NDST4: variants seen among roughly 807,000 people sequenced by gnomAD.
The protein encoded by NDST4 is N-heparan sulfate sulfotransferase 4.
In NDST4, 63 loss-of-function variants were observed where a neutral mutation model predicts 100.8. The ratio of observed to expected loss-of-function variants is 0.62; its 90% CI spans 0.51 to 0.77. NDST4 has a LOEUF of 0.77. Among genes scored for constraint, NDST4 ranks in the 30% least tolerant of loss-of-function variants. NDST4 has a pLI of 0.00. For synonymous variants in NDST4, 377 were observed against 361.8 expected (o/e 1.04, Z -0.48); for missense variants, 943 against 1,018.4 (o/e 0.93, Z 1.01).
chr4:115,053,618 G>C (rs1392938804), intron 2 of NDST4, among the ~76,000 whole-genome samples: 1 of 152,076 alleles, frequency 6.6e-6, no homozygotes, highest in Non-Finnish European at 1.5e-5. Flanking sequence ...AATGCTCAAA[G>C]ATATGACAAC....
intron 1 of NDST4, among the ~76,000 whole-genome samples, chr4:115,096,907 G>A (rs186984467): frequency 4.6e-5 from 7 of 152,002 alleles, no homozygotes; most frequent in Admixed American, 3.3e-4. Context: ...TAAACTTCAC[G>A]TTGTAAAATC....
chr4:114,831,966 T>A (rs1237119124), intron 12 of NDST4, among the ~76,000 whole-genome samples: 2 of 152,228 alleles, frequency 1.3e-5, no homozygotes, highest in Non-Finnish European at 2.9e-5. Flanking sequence ...GAGTTTTTTT[T>A]ATTCTACTGA....
At chr4:115,013,281 T>C (rs1462361586) in intron 2 of NDST4, among the ~76,000 whole-genome samples, 1 of 147,658 alleles carries the variant, frequency 6.8e-6, no homozygotes, top group Non-Finnish European at 1.5e-5. Flanking sequence ...TTTACCCTAA[T>C]ATGATTATTA....
chr4:115,023,690 C>G (rs6843204), intron 2 of NDST4, among the ~76,000 whole-genome samples: 11,398 of 152,014 alleles, frequency 0.075, 1,429 homozygotes, highest in African/African-American at 0.25. Context: ...GAGTAAAAAA[C>G]TGTGTTAAGG....
intron 2 of NDST4, among the ~76,000 whole-genome samples, chr4:115,069,994 A>T (rs1729041027): frequency 1.3e-5 from 2 of 152,224 alleles, no homozygotes; most frequent in Non-Finnish European, 2.9e-5. Flanking sequence ...TAGTCCAACC[A>T]CTGGGGAAGA....
intron 6 of NDST4, among the ~76,000 whole-genome samples, chr4:114,929,579 T>C (rs1401316307): frequency 6.6e-6 from 1 of 152,224 alleles, no homozygotes; most frequent in Non-Finnish European, 1.5e-5. Context: ...ACTGGATAGA[T>C]GAAGCCTCCT....
chr4:114,966,038 C>G (rs1272166212), intron 4 of NDST4, among the ~76,000 whole-genome samples: 1 of 151,748 alleles, frequency 6.6e-6, no homozygotes, highest in African/African-American at 2.4e-5. Context: ...GAAAAAGAAC[C>G]AAAAAGTATT....
rs977651058 is a variant in NDST4 at position 115,024,914 on chromosome 4, A to G, written c.979-47640T>C. On this transcript the variant is annotated intron_variant, in intron 2 of 13. Coordinates refer to ENST00000264363, the MANE Select transcript of NDST4 (RefSeq NM_022569.3). Reference sequence around the variant, plus strand: ...TCATGAATGGATTAATGCTGGCATCATCGGTGTGAGTTAGAAATCTTGGGA... The same window carrying G: ...TCATGAATGGATTAATGCTGGCATCGTCGGTGTGAGTTAGAAATCTTGGGA... Among the ~76,000 whole-genome samples the G allele has an allele frequency of 5.3e-5, 8 of 152,310 alleles. No individual in the cohort carries two copies. In the East Asian group the frequency reaches 1.2e-3, roughly 22 times the overall value.
chr4:114,914,315 A>G (rs1003646024), intron 6 of NDST4, among the ~76,000 whole-genome samples: 3 of 152,154 alleles, frequency 2.0e-5, no homozygotes, highest in Admixed American at 1.3e-4. Context: ...TAAAATAGCT[A>G]AAAGAGTATA....
intron 6 of NDST4, among the ~76,000 whole-genome samples, chr4:114,892,309 G>C (rs897890631): frequency 1.3e-5 from 2 of 151,882 alleles, no homozygotes; most frequent in African/African-American, 4.8e-5. Context: ...TGTGCTTTTA[G>C]CTTGCTTATA....
chr4:115,078,079 AT>A (rs1729226774), intron 1 of NDST4, among the ~76,000 whole-genome samples: 1 of 152,324 alleles, frequency 6.6e-6, no homozygotes, highest in East Asian at 1.9e-4. Flanking sequence ...TTCAAAAAAA[AT>A]GAATGTAGAA....
At chr4:115,100,974 G>C (rs898134323) in intron 1 of NDST4, among the ~76,000 whole-genome samples, 1 of 151,336 alleles carries the variant, frequency 6.6e-6, no homozygotes, top group Non-Finnish European at 1.5e-5. Flanking sequence ...ATTTTCATAT[G>C]AATTATTTTT....
At chr4:115,063,457 A>T (rs1359356086) in intron 2 of NDST4, among the ~76,000 whole-genome samples, 1 of 151,992 alleles carries the variant, frequency 6.6e-6, no homozygotes, top group Non-Finnish European at 1.5e-5. Context: ...ATTTTCCATG[A>T]TAATTTAATT....
Position 115,010,714 on chromosome 4 carries a change from C to A in NDST4, c.979-33440G>T, listed in dbSNP as rs1286827565. On this transcript the variant is annotated intron_variant, in intron 2 of 13. Coordinates refer to ENST00000264363, the MANE Select transcript of NDST4 (RefSeq NM_022569.3). ...TAAAAAAAAGAATACATATATGGCT[C>A]TTTGTGACTTTGAAATCTAAAGCGA... Among the ~76,000 whole-genome samples the A allele has an allele frequency of 7.5e-5, 5 of 67,082 alleles. 1 individual carries two copies. Among genetic ancestry groups the A allele is most frequent in the African/African-American group, 1.2e-4 (2 of 17,200 alleles). The allele number at this position is 67,082 out of a possible 152,430, so 44.0% of individuals were successfully genotyped here.
At chr4:114,864,494 G>A (rs145425248) in intron 7 of NDST4, among the ~76,000 whole-genome samples, 206 of 152,250 alleles carry the variant, frequency 1.4e-3, no homozygotes, top group African/African-American at 4.4e-3. Context: ...TGACTTTCAA[G>A]TTTTGTCTCT....
intron 6 of NDST4, among the ~76,000 whole-genome samples, chr4:114,902,191 T>C (rs1724855892): frequency 6.6e-6 from 1 of 152,052 alleles, no homozygotes; most frequent in Non-Finnish European, 1.5e-5. Flanking sequence ...TTCATTTCTT[T>C]ATGTAGAATC....
chr4:114,952,787 A>G (rs1269624316), intron 4 of NDST4, among the ~76,000 whole-genome samples: 1 of 152,066 alleles, frequency 6.6e-6, no homozygotes, highest in African/African-American at 2.4e-5. Flanking sequence ...GAGAAATAGA[A>G]AATATGTTTT....
intron 2 of NDST4, among the ~76,000 whole-genome samples, chr4:114,992,058 G>A (rs1180744844): frequency 4.6e-5 from 7 of 151,646 alleles, no homozygotes; most frequent in Non-Finnish European, 7.4e-5. Flanking sequence ...CCCATATACC[G>A]AATACTTATT....
At chr4:114,924,202 C>G (rs2126220290) in intron 6 of NDST4, among the ~76,000 whole-genome samples, 1 of 152,172 alleles carries the variant, frequency 6.6e-6, no homozygotes, top group Admixed American at 6.5e-5. Flanking sequence ...AACAAAACTA[C>G]TACTAAAAAT....
Sources: allele counts gnomAD v4.1 joint callset (sites outside exome capture counted in the v4.1 genomes callset), GRCh38; gene constraint gnomAD v4.1.1; transcripts MANE v1.5; gene names NCBI Gene and HGNC (gene_info 2026-07-23, HGNC 2026-07-21).